Variants in CAMTA1 observed in about 807,000 individuals in gnomAD.
CAMTA1 encodes the protein calmodulin-binding transcription activator 1.
Under a neutral mutation model 170.9 loss-of-function variants are expected in CAMTA1, and 27 were observed. The observed-to-expected ratio is 0.16, with a 90% confidence interval of 0.12 to 0.22. The LOEUF is 0.22. Ranked by LOEUF, CAMTA1 falls within the 10% of genes least tolerant of loss-of-function variation. The probability of loss-of-function intolerance (pLI) is 1.00; values close to 1 mark genes in which losing one functional copy is unlikely to be tolerated. For missense variants in CAMTA1, 1,619 were observed against 2,217.2 expected, an observed-to-expected ratio of 0.73 and a Z score of 5.42; for synonymous variants, 833 against 891.5, an observed-to-expected ratio of 0.93 and a Z score of 1.17.
At chr1:7,285,335 G>T (rs1010817760) in intron 5 of CAMTA1, among the ~76,000 whole-genome samples, 2 of 152,220 alleles carry the variant, frequency 1.3e-5, no homozygotes, top group African/African-American at 4.8e-5. Context: ...CCAAGTCTGG[G>T]ACTCGCACTG....
chr1:7,541,303 A>G (rs1192666816), intron 6 of CAMTA1, among the ~76,000 whole-genome samples: 1 of 152,170 alleles, frequency 6.6e-6, no homozygotes, highest in Non-Finnish European at 1.5e-5. Context: ...GGAAAATGAT[A>G]CCTCTAGACA....
chr1:6,923,099 C>G (rs1682376408), intron 3 of CAMTA1, among the ~76,000 whole-genome samples: 1 of 152,190 alleles, frequency 6.6e-6, no homozygotes, highest in African/African-American at 2.4e-5. Flanking sequence ...AGAACAGAGA[C>G]TTCAGGAAGA....
chr1:6,923,756 T>C (rs928385869), intron 3 of CAMTA1, among the ~76,000 whole-genome samples: 1 of 152,160 alleles, frequency 6.6e-6, no homozygotes, highest in African/African-American at 2.4e-5. Context: ...TAAGCACCTG[T>C]CCTATGTCAG....
chr1:7,124,385 C>T (rs182754405), intron 4 of CAMTA1, among the ~76,000 whole-genome samples: 248 of 152,312 alleles, frequency 1.6e-3, no homozygotes, highest in African/African-American at 5.4e-3. Context: ...TATTCTATCC[C>T]GCCTTCGAGG....
At position 7,155,985 on chromosome 1, in the gene CAMTA1, G is replaced by T. The variant is rs143148621; in HGVS notation, c.302+64614G>T. Reference sequence around the variant, plus strand: ...AAAGATAAATAGAGCAGGCGCGGTGGCTCACAGCTGTAATCTCAGCACTTT... The same window carrying T: ...AAAGATAAATAGAGCAGGCGCGGTGTCTCACAGCTGTAATCTCAGCACTTT... On this transcript the variant is annotated intron_variant, in intron 4 of 22. Coordinates refer to ENST00000303635, the MANE Select transcript of CAMTA1 (RefSeq NM_015215.4). Among the ~76,000 whole-genome samples the T allele has an allele frequency of 1.5e-3, 224 of 152,200 alleles. 4 individuals carry two copies. In the South Asian group the frequency reaches 0.029, roughly 19 times the overall value.
chr1:7,710,773 C>G (rs2096564573), intron 11 of CAMTA1, among the ~76,000 whole-genome samples: 1 of 151,968 alleles, frequency 6.6e-6, no homozygotes. Flanking sequence ...GGAAGGGTCC[C>G]CAATATGGCA....
At chr1:7,362,459 G>T (rs528190204) in intron 5 of CAMTA1, among the ~76,000 whole-genome samples, 2 of 152,094 alleles carry the variant, frequency 1.3e-5, no homozygotes, top group Non-Finnish European at 2.9e-5. Flanking sequence ...AGAGTTAGTG[G>T]ACTTGAATAG....
At chr1:6,852,496 G>A (rs1405950796) in intron 3 of CAMTA1, among the ~76,000 whole-genome samples, 1 of 152,210 alleles carries the variant, frequency 6.6e-6, no homozygotes, top group African/African-American at 2.4e-5. Flanking sequence ...CGACTGCTAT[G>A]AAGTGATTCC....
intron 3 of CAMTA1, among the ~76,000 whole-genome samples, chr1:6,924,510 T>G (rs1682691338): frequency 6.6e-6 from 1 of 152,122 alleles, no homozygotes; most frequent in Admixed American, 6.5e-5. Flanking sequence ...GGGGCGGCCC[T>G]CCCTGGCCTG....
chr1:7,142,089 GGT>G (rs1435316949), intron 4 of CAMTA1: 4 of 518,394 alleles, frequency 7.7e-6, no homozygotes. Flanking sequence ...AGCTCTTCCT[GGT>G]ACCCCTTCTG....
At chr1:7,363,377 G>A (rs575165836) in intron 5 of CAMTA1, among the ~76,000 whole-genome samples, 12 of 151,510 alleles carry the variant, frequency 7.9e-5, no homozygotes, top group Admixed American at 6.6e-4. Context: ...TCATCTTCCC[G>A]TTGCAGGACA....
intron 5 of CAMTA1, among the ~76,000 whole-genome samples, chr1:7,297,940 A>G (rs1223948863): frequency 6.6e-6 from 1 of 152,136 alleles, no homozygotes; most frequent in Admixed American, 6.6e-5. Context: ...ATCAATATCT[A>G]TTTGGTTTAA....
At chr1:7,003,781 G>A (rs1355409258) in intron 3 of CAMTA1, among the ~76,000 whole-genome samples, 1 of 152,158 alleles carries the variant, frequency 6.6e-6, no homozygotes, top group Non-Finnish European at 1.5e-5. Context: ...GTTATCATAG[G>A]CCAGGGATGA....
At chr1:7,376,491 A>G (rs536937631) in intron 5 of CAMTA1, among the ~76,000 whole-genome samples, 2 of 152,324 alleles carry the variant, frequency 1.3e-5, no homozygotes, top group Admixed American at 6.5e-5. Flanking sequence ...CTATGGAGAC[A>G]GAGTATAAGC....
At chr1:7,428,294 C>T (rs1326888637) in intron 5 of CAMTA1, among the ~76,000 whole-genome samples, 1 of 152,052 alleles carries the variant, frequency 6.6e-6, no homozygotes, top group Non-Finnish European at 1.5e-5. Flanking sequence ...TGTTCCATTG[C>T]CAGCACCTAG....
At chr1:6,977,394 G>A (rs1000428135) in intron 3 of CAMTA1, among the ~76,000 whole-genome samples, 1 of 151,870 alleles carries the variant, frequency 6.6e-6, no homozygotes, top group African/African-American at 2.4e-5. Context: ...AGGCTGGAGT[G>A]CAGTGGCGCA....
intron 1 of CAMTA1, among the ~76,000 whole-genome samples, chr1:6,788,483 CT>C (rs920770429): frequency 2.7e-4 from 41 of 152,242 alleles, no homozygotes; most frequent in African/African-American, 9.6e-4. Flanking sequence ...GAAAGTAGAG[CT>C]TTTGAGCTCA....
At chr1:7,549,713 G>A (rs1280974226) in intron 6 of CAMTA1, among the ~76,000 whole-genome samples, 4 of 152,044 alleles carry the variant, frequency 2.6e-5, no homozygotes, top group Non-Finnish European at 5.9e-5. Context: ...TGGGCCGGGA[G>A]AGACAAACAG....
At chr1:7,256,803 C>G (rs1667444518) in intron 5 of CAMTA1, among the ~76,000 whole-genome samples, 1 of 152,026 alleles carries the variant, frequency 6.6e-6, no homozygotes, top group Admixed American at 6.6e-5. Context: ...GGGCCTGTTT[C>G]CTGGTGCATT....
Sources: allele counts gnomAD v4.1 joint callset (sites outside exome capture counted in the v4.1 genomes callset), GRCh38; gene constraint gnomAD v4.1.1; transcripts MANE v1.5; gene names NCBI Gene and HGNC (gene_info 2026-07-23, HGNC 2026-07-21).